RGS7: variants seen among roughly 807,000 people sequenced by gnomAD.
The protein encoded by RGS7 is regulator of G protein signaling 7, also known as regulator of G-protein signaling 7.
In RGS7, 27 loss-of-function variants were observed where a neutral mutation model predicts 81.1. The observed-to-expected ratio is 0.33, with a 90% confidence interval of 0.25 to 0.46. The LOEUF is 0.46. RGS7 is among the 20% of genes least tolerant of loss of function. The pLI is 1.00. For synonymous variants in RGS7, 208 were observed against 207.7 expected (o/e 1.00, Z -0.01); for missense variants, 396 against 607.4 (o/e 0.65, Z 3.66).
intron 3 of RGS7, among the ~76,000 whole-genome samples, chr1:241,016,267 C>T (rs1436898650): frequency 1.3e-5 from 2 of 152,112 alleles, no homozygotes; most frequent in Admixed American, 6.6e-5. Flanking sequence ...CGCCTGTAAT[C>T]CTAGCACTTT....
intron 3 of RGS7, among the ~76,000 whole-genome samples, chr1:241,016,305 G>T (rs114982165): frequency 0.012 from 1,829 of 152,218 alleles, 26 homozygotes; most frequent in African/African-American, 0.042. Flanking sequence ...TGATTATGAG[G>T]TCAAGAGAAC....
At chr1:240,988,307 A>C (rs1685970331) in intron 3 of RGS7, among the ~76,000 whole-genome samples, 1 of 151,574 alleles carries the variant, frequency 6.6e-6, no homozygotes. Flanking sequence ...TTATAATTTT[A>C]ACTCAATTTA....
intron 2 of RGS7, among the ~76,000 whole-genome samples, chr1:241,219,902 A>T (rs1029391075): frequency 1.3e-5 from 2 of 152,210 alleles, no homozygotes; most frequent in Non-Finnish European, 2.9e-5. Flanking sequence ...GGATCATGCC[A>T]ATCAAGGAAG....
rs369473157 is a variant in RGS7 at position 240,866,194 on chromosome 1, C to T, written c.609+2393G>A. ...CCATTCTCAGAGGCTCATGACAACC[C>T]GAAGCTCTATTTTCCTCTAGAAAAT... On this transcript the variant is annotated intron_variant, in intron 9 of 18. Coordinates refer to ENST00000440928, the MANE Select transcript of RGS7 (RefSeq NM_001364886.1). Among the ~76,000 whole-genome samples, 250 of 152,288 alleles carry T rather than the reference C, an allele frequency of 1.6e-3. 1 individual carries two copies. The highest frequency in any genetic ancestry group is 4.9e-3 in the African/African-American group (205 of 41,568).
intron 6 of RGS7, among the ~76,000 whole-genome samples, chr1:240,897,225 A>G (rs1297334891): frequency 6.6e-6 from 1 of 152,220 alleles, no homozygotes; most frequent in Non-Finnish European, 1.5e-5. Context: ...TGTCATCTGC[A>G]AATAGGGACA....
intron 3 of RGS7, among the ~76,000 whole-genome samples, chr1:240,988,795 C>G (rs898393094): frequency 2.6e-5 from 4 of 152,166 alleles, no homozygotes; most frequent in African/African-American, 9.7e-5. Context: ...TGGCCGGTGT[C>G]CTAGTTCTGT....
chr1:240,862,417 G>A (rs1285053205), intron 9 of RGS7, among the ~76,000 whole-genome samples: 1 of 151,886 alleles, frequency 6.6e-6, no homozygotes, highest in African/African-American at 2.4e-5. Context: ...TACATTTCTG[G>A]CTAATGGCTT....
intron 2 of RGS7, among the ~76,000 whole-genome samples, chr1:241,284,401 G>T (rs545480082): frequency 6.6e-6 from 1 of 151,886 alleles, no homozygotes; most frequent in South Asian, 2.1e-4. Context: ...GTGTTTGGCA[G>T]GGGGGGTTGT....
chr1:241,266,160 A>G (rs1258093939), intron 2 of RGS7, among the ~76,000 whole-genome samples: 1 of 152,190 alleles, frequency 6.6e-6, no homozygotes, highest in Non-Finnish European at 1.5e-5. Context: ...CTGTCCAGGA[A>G]GTTTTAGAAG....
intron 2 of RGS7, among the ~76,000 whole-genome samples, chr1:241,285,463 C>T (rs749908788): frequency 3.9e-5 from 6 of 152,146 alleles, no homozygotes; most frequent in Non-Finnish European, 7.3e-5. Flanking sequence ...TAATAGAGGA[C>T]GCTATTCCTA....
chr1:241,183,796 A>T (rs997830665), intron 2 of RGS7, among the ~76,000 whole-genome samples: 1 of 152,240 alleles, frequency 6.6e-6, no homozygotes, highest in African/African-American at 2.4e-5. Context: ...AAACATTTGG[A>T]AAAGTAAACA....
intron 4 of RGS7, among the ~76,000 whole-genome samples, chr1:240,975,858 G>A (rs995677748): frequency 1.3e-5 from 2 of 152,266 alleles, no homozygotes; most frequent in Non-Finnish European, 2.9e-5. Flanking sequence ...AAACACGAAC[G>A]TGGAAGAACG....
intron 2 of RGS7, among the ~76,000 whole-genome samples, chr1:241,309,562 A>G (rs2080384072): frequency 6.6e-6 from 1 of 152,200 alleles, no homozygotes; most frequent in South Asian, 2.1e-4. Context: ...TTAAGATTCC[A>G]GGCATCTGAC....
intron 6 of RGS7, chr1:240,920,301 C>T (rs551990686): frequency 1.8e-5 from 25 of 1,396,198 alleles, no homozygotes; most frequent in African/African-American, 4.2e-5. Flanking sequence ...CAACTTTGGT[C>T]GTGGAGGAAA....
intron 6 of RGS7, among the ~76,000 whole-genome samples, chr1:240,874,312 A>G (rs1664985268): frequency 6.6e-6 from 1 of 152,290 alleles, no homozygotes; most frequent in South Asian, 2.1e-4. Flanking sequence ...TGTGGGTGAG[A>G]AGAAGTGTGA....
chr1:240,850,824 C>T (rs1056139287), intron 9 of RGS7, among the ~76,000 whole-genome samples: 7 of 152,222 alleles, frequency 4.6e-5, no homozygotes, highest in Middle Eastern at 3.4e-3. Context: ...ACATAGAAGA[C>T]CAAAGCAGCC....
intron 2 of RGS7, among the ~76,000 whole-genome samples, chr1:241,259,597 C>G (rs1573392251): frequency 7.1e-6 from 1 of 141,242 alleles, no homozygotes; most frequent in South Asian, 2.3e-4. Flanking sequence ...TTGCGGTGAG[C>G]TGAGATTGCG....
intron 2 of RGS7, among the ~76,000 whole-genome samples, chr1:241,340,627 C>T (rs1321796153): frequency 2.0e-5 from 3 of 152,066 alleles, no homozygotes. Context: ...TCACTATCAT[C>T]ACCCAAAAGG....
In RGS7 at chr1:241,144,755, C is replaced by T. The variant is rs2068176290; in HGVS notation, c.79-45993G>A. On this transcript the variant is annotated intron_variant, in intron 2 of 18. Coordinates refer to ENST00000440928, the MANE Select transcript of RGS7 (RefSeq NM_001364886.1). The surrounding 1 kb of genome is among the most constrained non-coding windows in gnomAD (Gnocchi z 4.7). ...AGCACAGCGCTACCAGCCAGCTAGC[C>T]AACCCCACAGCCGCCTGTTGGGCAA... Among the ~76,000 whole-genome samples the T allele has an allele frequency of 6.6e-6, 1 of 152,206 alleles. No individual in the cohort carries two copies. Among genetic ancestry groups the T allele is most frequent in the Admixed American group, 6.5e-5 (1 of 15,288 alleles).
Sources: gnomAD v4.1 joint callset for allele counts (sites outside exome capture counted in the v4.1 genomes callset) on GRCh38, gnomAD v4.1.1 for gene constraint, Gnocchi (gnomAD v3.1) non-coding constraint, MANE v1.5 for transcripts, NCBI Gene and HGNC (gene_info 2026-07-23, HGNC 2026-07-21) for gene names.